Variants in IGF2BP3 observed in about 807,000 individuals in gnomAD.
IGF2BP3 encodes the protein insulin like growth factor 2 mRNA binding protein 3, also known as insulin-like growth factor 2 mRNA-binding protein 3.
Under a neutral mutation model 73.8 loss-of-function variants are expected in IGF2BP3, and 9 were observed. The observed-to-expected ratio is 0.12, with a 90% CI of 0.07 to 0.21. IGF2BP3 has a LOEUF of 0.21. Ranked by LOEUF, IGF2BP3 falls within the 10% of genes least tolerant of loss-of-function variation. The probability of loss-of-function intolerance (pLI) is 1.00; values close to 1 mark genes in which losing one functional copy is unlikely to be tolerated. For synonymous variants in IGF2BP3, 258 were observed against 256.7 expected, an observed-to-expected ratio of 1.01 and a Z score of -0.05; for missense variants, 542 against 714.0, an observed-to-expected ratio of 0.76 and a Z score of 2.75.
At chr7:23,403,551 TA>T (rs1308228785) in intron 3 of IGF2BP3, among the ~76,000 whole-genome samples, 12 of 152,316 alleles carry the variant, frequency 7.9e-5, no homozygotes, top group African/African-American at 2.9e-4. Flanking sequence ...AAATTGGTGC[TA>T]AAAGTCAAAA....
At chr7:23,409,465 A>G (rs1044596686) in intron 3 of IGF2BP3, among the ~76,000 whole-genome samples, 7 of 152,122 alleles carry the variant, frequency 4.6e-5, no homozygotes, top group Non-Finnish European at 1.0e-4. Flanking sequence ...AAAACAATAA[A>G]GTTGAAGGAA....
intron 2 of IGF2BP3, among the ~76,000 whole-genome samples, chr7:23,457,484 A>T (rs1788350736): frequency 6.6e-6 from 1 of 152,150 alleles, no homozygotes. Context: ...AATTTTTTTT[A>T]AACTTCTCAA....
chr7:23,324,391 T>A (rs1346719381), intron 10 of IGF2BP3, among the ~76,000 whole-genome samples: 5 of 151,052 alleles, frequency 3.3e-5, no homozygotes, highest in African/African-American at 1.2e-4. Flanking sequence ...AATCTCTGAA[T>A]AGACCAATAA....
chr7:23,447,505 A>C (rs1470336830), intron 2 of IGF2BP3, among the ~76,000 whole-genome samples: 1 of 150,878 alleles, frequency 6.6e-6, no homozygotes, highest in Non-Finnish European at 1.5e-5. Context: ...TGTGCCTGTA[A>C]TCCCAGCTAC....
chr7:23,315,413 A>G (rs949421390), intron 12 of IGF2BP3, among the ~76,000 whole-genome samples: 15 of 152,086 alleles, frequency 9.9e-5, no homozygotes, highest in Non-Finnish European at 1.5e-5. Flanking sequence ...TGGCCAAGAC[A>G]CTTCTGATAT....
chr7:23,317,832 A>T (rs1250784267), intron 11 of IGF2BP3, 119 bp from the exon 12 acceptor site: 20 of 788,456 alleles, frequency 2.5e-5, no homozygotes, highest in East Asian at 2.5e-4. Context: ...GCCTTCGTGA[A>T]GGAAATTAGG....
chr7:23,457,760 G>A (rs1788356719), intron 2 of IGF2BP3, among the ~76,000 whole-genome samples: 2 of 152,178 alleles, frequency 1.3e-5, no homozygotes, highest in East Asian at 1.9e-4. Context: ...GTGTAAGCAA[G>A]CCCTGGGAAC....
At position 23,465,309 on chromosome 7, in the gene IGF2BP3, G is replaced by C. The variant is rs533910135; in HGVS notation, c.236+3173C>G. ...CTGTATCTTTTATATTTAGAATAGA[G>C]AGTGCAACACTATCACAGATATCCA... is the stretch of plus-strand genomic sequence containing the variant. On this transcript the variant is annotated intron_variant, in intron 2 of 14. Transcript: ENST00000258729. Among the ~76,000 whole-genome samples, 3 of 152,332 alleles carry C rather than the reference G, an allele frequency of 2.0e-5. No individual in the cohort carries two copies. In the South Asian group the frequency reaches 6.2e-4, roughly 32 times the overall value.
intron 5 of IGF2BP3, among the ~76,000 whole-genome samples, chr7:23,355,045 TC>T (rs1785056822): frequency 6.6e-6 from 1 of 152,154 alleles, no homozygotes; most frequent in Admixed American, 6.5e-5. Context: ...CATATGGTGA[TC>T]TGCTGAGTTC....
At chr7:23,323,829 A>T (rs531126458) in intron 10 of IGF2BP3, among the ~76,000 whole-genome samples, 1 of 152,124 alleles carries the variant, frequency 6.6e-6, no homozygotes, top group Non-Finnish European at 1.5e-5. Flanking sequence ...TACTGGGTAC[A>T]TAACGAAATT....
intron 3 of IGF2BP3, among the ~76,000 whole-genome samples, chr7:23,408,166 C>A (rs1786905540): frequency 6.6e-6 from 1 of 152,054 alleles, no homozygotes; most frequent in Non-Finnish European, 1.5e-5. Flanking sequence ...TGATGAAAGA[C>A]AATGTTTTCT....
At chr7:23,468,461 C>G in intron 2 of IGF2BP3, 21 bp downstream of exon 2, 1 of 1,613,856 alleles carries the variant, frequency 6.2e-7, no homozygotes, top group Non-Finnish European at 8.5e-7. Flanking sequence ...AGAATCGGGG[C>G]AAACAGAAGC....
At chr7:23,401,398 G>A (rs1440969088) in intron 3 of IGF2BP3, among the ~76,000 whole-genome samples, 1 of 152,142 alleles carries the variant, frequency 6.6e-6, no homozygotes, top group Non-Finnish European at 1.5e-5. Context: ...CCTTGTATTA[G>A]GAATTGTCTT....
intron 3 of IGF2BP3, among the ~76,000 whole-genome samples, chr7:23,372,722 T>C (rs1193952205): frequency 1.3e-5 from 2 of 152,202 alleles, no homozygotes; most frequent in East Asian, 3.8e-4. Flanking sequence ...ACTCATCCTT[T>C]AAGGCCATTC....
At chr7:23,361,776 A>T (rs746428371) in intron 3 of IGF2BP3, 35 bp from the exon 4 acceptor site, 1 of 1,555,422 alleles carries the variant, frequency 6.4e-7, no homozygotes, top group Non-Finnish European at 8.7e-7. Flanking sequence ...ATAAATTTTG[A>T]GTTTCCCAAG....
chr7:23,411,389 C>A (rs911282778), intron 3 of IGF2BP3, among the ~76,000 whole-genome samples: 8 of 152,144 alleles, frequency 5.3e-5, no homozygotes, highest in African/African-American at 1.7e-4. Flanking sequence ...TGAGACCAGC[C>A]TGGTCAACAT....
intron 10 of IGF2BP3, among the ~76,000 whole-genome samples, chr7:23,326,235 C>T (rs1006059670): frequency 1.3e-5 from 2 of 152,274 alleles, no homozygotes; most frequent in Non-Finnish European, 2.9e-5. Flanking sequence ...AAACAAATAA[C>T]CCCATCAAAA....
intron 2 of IGF2BP3, among the ~76,000 whole-genome samples, chr7:23,447,972 T>C (rs1788105586): frequency 6.6e-6 from 1 of 152,050 alleles, no homozygotes. Flanking sequence ...AGAGCAAGAC[T>C]GGCTAAAAAA....
At chr7:23,332,750 A>G (rs750106951) in intron 10 of IGF2BP3, among the ~76,000 whole-genome samples, 5 of 152,198 alleles carry the variant, frequency 3.3e-5, no homozygotes, top group Non-Finnish European at 7.3e-5. Flanking sequence ...TTATTTTATA[A>G]CTGGATAGAC....
Sources: allele counts gnomAD v4.1 joint callset (sites outside exome capture counted in the v4.1 genomes callset), GRCh38; gene constraint gnomAD v4.1.1; transcripts MANE v1.5; gene names NCBI Gene and HGNC (gene_info 2026-07-23, HGNC 2026-07-21).